CYTH4: variants seen among roughly 807,000 people sequenced by gnomAD.
The protein encoded by CYTH4 is cytohesin 4.
A neutral mutation model predicts 57.5 loss-of-function variants in CYTH4; 22 were observed. The ratio of observed to expected loss-of-function variants is 0.38; its 90% CI spans 0.27 to 0.55. The LOEUF is 0.55. Among genes scored for constraint, CYTH4 ranks in the 20% least tolerant of loss-of-function variants. CYTH4 has a pLI of 0.74. For missense variants in CYTH4, 420 were observed against 535.6 expected, an observed-to-expected ratio of 0.78 and a Z score of 2.13; for synonymous variants, 186 against 206.5, an observed-to-expected ratio of 0.90 and a Z score of 0.85.
intron 1 of CYTH4, among the ~76,000 whole-genome samples, chr22:37,283,804 G>A (rs560747986): frequency 1.3e-5 from 2 of 152,092 alleles, no homozygotes; most frequent in Non-Finnish European, 2.9e-5. Flanking sequence ...CAGCTTGGGG[G>A]CACCTGGTTG....
intron 1 of CYTH4, among the ~76,000 whole-genome samples, chr22:37,289,359 T>G (rs2899287): frequency 6.6e-6 from 1 of 152,072 alleles, no homozygotes; most frequent in Non-Finnish European, 1.5e-5. Context: ...GTGCCCTGCC[T>G]GAAGCCCTGC....
At chr22:37,285,024 C>T (rs1928499495) in intron 1 of CYTH4, among the ~76,000 whole-genome samples, 1 of 152,184 alleles carries the variant, frequency 6.6e-6, no homozygotes, top group Admixed American at 6.5e-5. Context: ...AGCAGCTCCA[C>T]CCACACCCCC....
At position 37,298,931 on chromosome 22, in the gene CYTH4, A is replaced by G. The variant is rs79294169; in HGVS notation, c.354-295A>G. ...CCGCGAGGTCACCAGGTGGGAAGTT[A>G]CAGGAAATGAGGAAGGCCTGGACTG... On this transcript the variant is annotated intron_variant, in intron 5 of 12. Transcript: ENST00000248901. This position sits in a 1 kb window ranked among gnomAD's most constrained non-coding sequence, Gnocchi z 4.1. Among the ~76,000 whole-genome samples the G allele has an allele frequency of 0.036, 5,471 of 152,220 alleles. 123 individuals carry two copies. Among genetic ancestry groups the G allele is most frequent in the Middle Eastern group, 0.051 (15 of 294 alleles).
chr22:37,311,334 G>A lies in CYTH4; in HGVS notation c.886-122G>A. The A allele has an allele frequency of 1.1e-6, 1 of 897,302 alleles. No homozygotes were observed. Among genetic ancestry groups the A allele is most frequent in the Non-Finnish European group, 1.8e-6 (1 of 558,942 alleles). The allele number at this position is 897,302 out of a possible 1,614,324, so 55.6% of individuals were successfully genotyped here. ...TTCTAACTTCCGTCCCCCTATGACT[G>A]GACAGTCTCGGAAGATGAGCACGCT... is the stretch of plus-strand genomic sequence containing the variant. On this transcript the variant is annotated intron_variant, in intron 10 of 12. Coordinates refer to ENST00000248901, the MANE Select transcript of CYTH4 (RefSeq NM_013385.5). The surrounding 1 kb of genome is among the most constrained non-coding windows in gnomAD (Gnocchi z 4.4).
At chr22:37,312,713 C>T (rs1336619743) in intron 12 of CYTH4, among the ~76,000 whole-genome samples, 3 of 152,210 alleles carry the variant, frequency 2.0e-5, no homozygotes, top group East Asian at 1.9e-4. Context: ...ACTGGGGAGC[C>T]ATAGACTCAT....
At chr22:37,284,670 C>T (rs1928484463) in intron 1 of CYTH4, among the ~76,000 whole-genome samples, 1 of 152,100 alleles carries the variant, frequency 6.6e-6, no homozygotes, top group African/African-American at 2.4e-5. Context: ...AGCTCTGCAC[C>T]ACCCTGCCAG....
chr22:37,311,172 T>C lies in CYTH4; in HGVS notation c.885+108T>C, dbSNP rs561087201. On this transcript the variant is annotated intron_variant, in intron 10 of 12. Coordinates refer to ENST00000248901, the MANE Select transcript of CYTH4 (RefSeq NM_013385.5). This position sits in a 1 kb window ranked among gnomAD's most constrained non-coding sequence, Gnocchi z 4.4. Reference sequence around the variant, plus strand: ...TCACACAGCTTTGGATCCTTTGAGATCATTCAGTCCCCCTCCATGCCCATT... The same window carrying C: ...TCACACAGCTTTGGATCCTTTGAGACCATTCAGTCCCCCTCCATGCCCATT... 3.2e-4 allele frequency: 405 copies of C among 1,258,280 alleles called. 1 individual carries two copies. The African/African-American group carries it at 5.4e-3, about 17-fold the overall frequency. 77.9% of individuals were successfully genotyped at this position (1,258,280 alleles called of 1,614,324 possible).
intron 9 of CYTH4, chr22:37,309,980 C>T (rs926945564): frequency 4.3e-5 from 20 of 468,866 alleles, no homozygotes; most frequent in African/African-American, 2.2e-4. Flanking sequence ...CACACACTTC[C>T]GGAAGCCTCT....
chr22:37,298,615 G>A lies in CYTH4; in HGVS notation c.354-611G>A, dbSNP rs887606726. ...GCTCAAGAATCTAGACTGGACGGGA[G>A]GAGAGAGGAAGGATATTGTGGGCGA... On this transcript the variant is annotated intron_variant, in intron 5 of 12. Transcript: ENST00000248901. The surrounding 1 kb of genome is among the most constrained non-coding windows in gnomAD (Gnocchi z 4.1). Among the ~76,000 whole-genome samples, 3 of 152,140 alleles carry A rather than the reference G, an allele frequency of 2.0e-5. No individual in the cohort carries two copies. Among genetic ancestry groups the A allele is most frequent in the Admixed American group, 2.0e-4 (3 of 15,266 alleles).
chr22:37,292,986 G>C (rs1487610123), intron 2 of CYTH4, among the ~76,000 whole-genome samples: 1 of 152,164 alleles, frequency 6.6e-6, no homozygotes, highest in Non-Finnish European at 1.5e-5. Flanking sequence ...CACAGGGCAG[G>C]CTCTGACCCC....
chr22:37,313,579 C>A lies in CYTH4; in HGVS notation c.*68C>A. ...CCATCGCCTGCAGCACCTGGAGACC[C>A]ACCTCCCACCCCAGTGCACTCTTTT... is the stretch of plus-strand genomic sequence containing the variant. On this transcript the variant is annotated 3_prime_UTR_variant, in exon 13 of 13. Coordinates refer to ENST00000248901, the MANE Select transcript of CYTH4 (RefSeq NM_013385.5). The A allele has an allele frequency of 7.2e-7, 1 of 1,391,378 alleles. No homozygotes were observed. The highest frequency in any genetic ancestry group is 1.4e-5 in the African/African-American group (1 of 70,534). 86.2% of individuals were successfully genotyped at this position (1,391,378 alleles called of 1,614,324 possible).
rs145485508 is a variant in CYTH4, at chr22:37,285,568, G to A, written c.19+2980G>A. 5.2e-3 allele frequency among the ~76,000 whole-genome samples: 783 copies of A among 151,962 alleles called. 7 individuals are homozygous for A. The highest frequency in any genetic ancestry group is 0.018 in the African/African-American group (748 of 41,444). On this transcript the variant is annotated intron_variant, in intron 1 of 12. Coordinates refer to ENST00000248901, the MANE Select transcript of CYTH4 (RefSeq NM_013385.5). Reference sequence around the variant, plus strand: ...CTAAAAATACAAAAAAAAATTAGCCGGGCCTGGTGGTGGGCGCCTGTAATC... The same window carrying A: ...CTAAAAATACAAAAAAAAATTAGCCAGGCCTGGTGGTGGGCGCCTGTAATC...
At chr22:37,291,368 T>C (rs1235442389) in intron 1 of CYTH4, among the ~76,000 whole-genome samples, 1 of 152,140 alleles carries the variant, frequency 6.6e-6, no homozygotes, top group African/African-American at 2.4e-5. Context: ...GAAGGAGAAG[T>C]AGGGAAAGGG....
chr22:37,294,561 AGTCGTGCCCAGGGGTAGGAGTG>A (rs1255604034), intron 2 of CYTH4, 77 bp from the exon 3 acceptor site: 1 of 1,352,266 alleles, frequency 7.4e-7, no homozygotes, highest in Non-Finnish European at 1.0e-6. Flanking sequence ...CAGGTTTGAG[AGTCGTGCCCAGGGGTAGGAGTG>A]GTCCTTGTGG....
chr22:37,285,672 C>T (rs544843620), intron 1 of CYTH4, among the ~76,000 whole-genome samples: 33 of 152,130 alleles, frequency 2.2e-4, no homozygotes, highest in African/African-American at 7.7e-4. Context: ...GATCAGGCCA[C>T]TGCACTCCAG....
At chr22:37,299,112 C>T in intron 5 of CYTH4, 114 bp from the exon 6 acceptor site, 2 of 744,660 alleles carry the variant, frequency 2.7e-6, no homozygotes, top group South Asian at 1.6e-5. Flanking sequence ...GCAGCTGGAC[C>T]CCAGAAGGAC....
intron 9 of CYTH4, 30 bp from the exon 10 acceptor site, chr22:37,310,958 T>G (rs1488245638): frequency 6.2e-7 from 1 of 1,612,998 alleles, no homozygotes; most frequent in East Asian, 2.2e-5. Context: ...GGAGGAGGAC[T>G]GACCAGCTTG....
chr22:37,289,402 T>G (rs1161960680), intron 1 of CYTH4, among the ~76,000 whole-genome samples: 4 of 152,208 alleles, frequency 2.6e-5, no homozygotes, highest in African/African-American at 9.7e-5. Context: ...TCACTGTCTT[T>G]CCAGGACACC....
chr22:37,296,155 G>A, intron 4 of CYTH4, 90 bp downstream of exon 4: 13 of 1,322,032 alleles, frequency 9.8e-6, no homozygotes, highest in East Asian at 2.5e-5. Context: ...CGGCTGACAC[G>A]ACCCCTTTCC....
Sources: allele counts gnomAD v4.1 joint callset (sites outside exome capture counted in the v4.1 genomes callset), GRCh38; gene constraint gnomAD v4.1.1; non-coding constraint Gnocchi (gnomAD v3.1); transcripts MANE v1.5; gene names NCBI Gene and HGNC (gene_info 2026-07-23, HGNC 2026-07-21).